RDH11: variants seen among roughly 807,000 people sequenced by gnomAD.
The protein encoded by RDH11 is retinol dehydrogenase 11.
RDH11 carries 19 observed loss-of-function variants against 33.4 expected under a neutral mutation model. The ratio of observed to expected loss-of-function variants is 0.57; its 90% confidence interval spans 0.40 to 0.83. RDH11 has a LOEUF of 0.83. RDH11 is among the 40% of genes least tolerant of loss of function. The probability of loss-of-function intolerance (pLI) is 0.00; values close to 1 mark genes in which losing one functional copy is unlikely to be tolerated. For synonymous variants in RDH11, 154 were observed against 155.3 expected, an observed-to-expected ratio of 0.99 and a Z score of 0.06; for missense variants, 353 against 389.0, an observed-to-expected ratio of 0.91 and a Z score of 0.78.
rs1367561318 is a variant in RDH11 at position 67,695,494 on chromosome 14, A to AC, written c.74+135dup. ...CCAGGACAGCTGGACCTCGCCTCCA[A>AC]CCCACCGAACTCTGGGCTCCGCCAT... On this transcript the variant is annotated intron_variant, in intron 1 of 6. Transcript: ENST00000381346. 8.7e-6 allele frequency: 7 copies of AC among 803,180 alleles called. No individual in the cohort carries two copies. In the Admixed American group the frequency reaches 2.2e-4, roughly 25 times the overall value. 49.8% of individuals were successfully genotyped at this position (803,180 alleles called of 1,614,324 possible). A position where few individuals can be genotyped will look rare whatever the true frequency, so the allele number is the denominator to read the frequency against.
intron 5 of RDH11, among the ~76,000 whole-genome samples, chr14:67,689,719 G>A (rs1291650781): frequency 6.6e-6 from 1 of 152,146 alleles, no homozygotes; most frequent in African/African-American, 2.4e-5. Flanking sequence ...CAAGGTGGGT[G>A]GATCACCTGA....
chr14:67,685,418 C>T (rs2037665993), intron 5 of RDH11, among the ~76,000 whole-genome samples: 1 of 152,142 alleles, frequency 6.6e-6, no homozygotes, highest in African/African-American at 2.4e-5. Flanking sequence ...CTGTGTATTT[C>T]TGACTGGAAA....
chr14:67,690,985 T>A, intron 4 of RDH11, 155 bp downstream of exon 4: 2 of 641,670 alleles, frequency 3.1e-6, no homozygotes, highest in Non-Finnish European at 5.6e-6. Flanking sequence ...CCTCAGGTAT[T>A]CCTCAGCTAT....
chr14:67,687,424 ATTCTCCTCC>A (rs1247256538), intron 5 of RDH11, among the ~76,000 whole-genome samples: 1 of 148,446 alleles, frequency 6.7e-6, no homozygotes, highest in South Asian at 2.1e-4. Flanking sequence ...ACCTTTGTAC[ATTCTCCTCC>A]TTCTGCCTGG....
At chr14:67,691,880 T>C (rs1390656341) in intron 3 of RDH11, 1 of 154,064 alleles carries the variant, frequency 6.5e-6, no homozygotes, top group Non-Finnish European at 1.4e-5. Flanking sequence ...ATCAAACCCA[T>C]AAATATCCTC....
rs769073054 is a variant in RDH11, at chr14:67,685,160, A to G, written c.709T>C (p.Ser237Pro). Residue 237 changes from serine to proline, a missense_variant, in exon 6 of 7, where the codon TCT (serine) becomes CCT (proline). Transcript: ENST00000381346. ...TYSVHPGTVQ[S>P]ELVRHSSFMR... Reference sequence around the variant, plus strand: ...AAAGATGAGTGCCGAACCAGTTCAGATTGGACTGTGCCAGGGTGTACAGAA... The same window carrying G: ...AAAGATGAGTGCCGAACCAGTTCAGGTTGGACTGTGCCAGGGTGTACAGAA... 6.8e-6 allele frequency: 11 copies of G among 1,614,048 alleles called. No homozygotes were observed. Among genetic ancestry groups the G allele is most frequent in the African/African-American group, 1.3e-5 (1 of 74,922 alleles).
chr14:67,684,899 T>A (rs2037657466), intron 6 of RDH11, 116 bp downstream of exon 6: 2 of 765,298 alleles, frequency 2.6e-6, no homozygotes, highest in East Asian at 5.3e-5. Flanking sequence ...ACTCTAGAGT[T>A]AAAAGACAAA....
chr14:67,678,196 G>C lies in RDH11; in HGVS notation c.*125C>G. ...TGAGTTTTAACTGGACACCAAGCAG[G>C]CAAGGCTGGAAGGTTTTGCTCTCTT... is the stretch of plus-strand genomic sequence containing the variant. On this transcript the variant is annotated 3_prime_UTR_variant, in exon 7 of 7. Transcript: ENST00000381346. 1 of 649,952 alleles carries C rather than the reference G, an allele frequency of 1.5e-6. No individual in the cohort carries two copies. The highest frequency in any genetic ancestry group is 2.8e-6 in the Non-Finnish European group (1 of 361,616). 40.3% of individuals were successfully genotyped at this position (649,952 alleles called of 1,614,324 possible). A position where few individuals can be genotyped will look rare whatever the true frequency, so the allele number is the denominator to read the frequency against.
intron 6 of RDH11, among the ~76,000 whole-genome samples, chr14:67,681,405 T>C (rs987465125): frequency 3.3e-5 from 5 of 152,242 alleles, no homozygotes; most frequent in African/African-American, 1.2e-4. Flanking sequence ...GGTAGAAAAC[T>C]GTCTTTTCAA....
In RDH11 at chr14:67,695,735, T is replaced by C. The variant is rs764752336; in HGVS notation, c.-32A>G. Reference sequence around the variant, plus strand: ...CGGCTGCAGCGGCACCAGAGCGGGATGCTCCAGCGTTGCTCGCCGACTATG... The same window carrying C: ...CGGCTGCAGCGGCACCAGAGCGGGACGCTCCAGCGTTGCTCGCCGACTATG... On this transcript the variant is annotated 5_prime_UTR_variant, in exon 1 of 7. Coordinates refer to ENST00000381346, the MANE Select transcript of RDH11 (RefSeq NM_016026.4). 1 of 1,605,600 alleles carries C rather than the reference T, an allele frequency of 6.2e-7. No individual in the cohort carries two copies. Among genetic ancestry groups the C allele is most frequent in the South Asian group, 1.1e-5 (1 of 90,622 alleles).
At chr14:67,679,910 CTCAG>C (rs1425648510) in intron 6 of RDH11, among the ~76,000 whole-genome samples, 3 of 152,154 alleles carry the variant, frequency 2.0e-5, no homozygotes, top group African/African-American at 7.2e-5. Context: ...AAATTGCTTC[CTCAG>C]TATCTAAGCA....
intron 4 of RDH11, 194 bp from the exon 5 acceptor site, chr14:67,690,615 T>TTA: frequency 1.7e-6 from 1 of 580,696 alleles, no homozygotes; most frequent in East Asian, 2.9e-5. Context: ...TGAGGCATCC[T>TTA]TATATGAGCG....
intron 1 of RDH11, among the ~76,000 whole-genome samples, chr14:67,693,992 C>T (rs1054920366): frequency 6.6e-6 from 1 of 152,130 alleles, no homozygotes; most frequent in African/African-American, 2.4e-5. Context: ...TTGCCTTTTC[C>T]AAATGAATGA....
rs763379904 is a variant in RDH11 at position 67,692,474 on chromosome 14, T to C, written c.313A>G (p.Lys105Glu). The change falls in exon 3 of 7, where the codon AAG (lysine) becomes GAG (glutamate). Residue 105 changes from lysine to glutamate, a missense_variant. Lys to Glu is a moderately conservative substitution (Grantham distance 56, BLOSUM62 1). Transcript: ENST00000381346. ...CCCTTAGCAAAAGCTCGAATAGACT[T>C]AGTATCAGACAGGTCCAGTTTCCGC... ...LVRKLDLSDTKSIRAFAKGFL... is the reference protein window; with the variant it reads ...LVRKLDLSDTESIRAFAKGFL... The C allele has an allele frequency of 6.2e-7, 1 of 1,614,150 alleles. No homozygotes were observed.
chr14:67,679,548 C>T (rs867136274), intron 6 of RDH11, among the ~76,000 whole-genome samples: 9 of 152,002 alleles, frequency 5.9e-5, no homozygotes, highest in Non-Finnish European at 8.8e-5. Context: ...GGATTATAGG[C>T]GCCTGCCACC....
At chr14:67,681,406 G>A (rs1398932496) in intron 6 of RDH11, among the ~76,000 whole-genome samples, 1 of 152,222 alleles carries the variant, frequency 6.6e-6, no homozygotes, top group Non-Finnish European at 1.5e-5. Flanking sequence ...GTAGAAAACT[G>A]TCTTTTCAAC....
At chr14:67,685,522 T>G (rs577165041) in intron 5 of RDH11, among the ~76,000 whole-genome samples, 18 of 152,224 alleles carry the variant, frequency 1.2e-4, no homozygotes, top group Non-Finnish European at 2.5e-4. Flanking sequence ...GGGGTCTCCC[T>G]ATGTTGACCA....
chr14:67,685,849 C>G (rs2140066582), intron 5 of RDH11, among the ~76,000 whole-genome samples: 1 of 152,234 alleles, frequency 6.6e-6, no homozygotes, highest in African/African-American at 2.4e-5. Context: ...CTCCTGACTT[C>G]AAGTGATCTG....
In RDH11 at chr14:67,691,439, G is replaced by A. The variant is rs367826555; in HGVS notation, c.350-195C>T. The A allele has an allele frequency of 1.1e-4, 58 of 525,294 alleles. 1 individual carries two copies. Among genetic ancestry groups the A allele is most frequent in the African/African-American group, 1.1e-3 (55 of 52,178 alleles). 32.5% of individuals were successfully genotyped at this position (525,294 alleles called of 1,614,324 possible). The stretch of plus-strand genomic sequence containing the variant: ...TCCCACCTACTTTTACTATGGGGCA[G>A]AATTCCATTTTATACTACCAAATGA... On this transcript the variant is annotated intron_variant, in intron 3 of 6. Coordinates refer to ENST00000381346, the MANE Select transcript of RDH11 (RefSeq NM_016026.4).
Sources: allele counts gnomAD v4.1 joint callset (sites outside exome capture counted in the v4.1 genomes callset), GRCh38; gene constraint gnomAD v4.1.1; transcripts MANE v1.5; gene names NCBI Gene and HGNC (gene_info 2026-07-23, HGNC 2026-07-21).